The following XRN1 variants were observed in gnomAD, a reference collection of about 807,000 sequenced individuals.
XRN1 encodes the protein strand-exchange protein 1 homolog.
XRN1 carries 67 observed loss-of-function variants against 222.3 expected under a neutral mutation model. The observed-to-expected ratio is 0.30, with a 90% CI of 0.25 to 0.37. The LOEUF is 0.37. XRN1 is among the 10% of genes least tolerant of loss of function. XRN1 has a pLI of 1.00. For synonymous variants in XRN1, 643 were observed against 652.4 expected, an observed-to-expected ratio of 0.99 and a Z score of 0.22; for missense variants, 1,707 against 2,000.2, an observed-to-expected ratio of 0.85 and a Z score of 2.80.
intron 33 of XRN1, among the ~76,000 whole-genome samples, chr3:142,338,271 A>T (rs528000370): frequency 6.6e-6 from 1 of 152,290 alleles, no homozygotes; most frequent in South Asian, 2.1e-4. Flanking sequence ...TGTATCTTGG[A>T]TACCAACTCA....
chr3:142,331,756 T>G (rs971887256), intron 36 of XRN1, among the ~76,000 whole-genome samples: 3 of 152,198 alleles, frequency 2.0e-5, no homozygotes, highest in Admixed American at 6.5e-5. Flanking sequence ...GATCTATTGG[T>G]TACATGGTTG....
intron 18 of XRN1, among the ~76,000 whole-genome samples, chr3:142,402,704 C>T (rs183656407): frequency 6.6e-6 from 1 of 152,130 alleles, no homozygotes; most frequent in Non-Finnish European, 1.5e-5. Flanking sequence ...GTTAAACATC[C>T]TAGTGTTACC....
intron 33 of XRN1, among the ~76,000 whole-genome samples, chr3:142,336,735 C>T (rs778826805): frequency 6.6e-6 from 1 of 152,102 alleles, no homozygotes; most frequent in East Asian, 1.9e-4. Flanking sequence ...AGCATTAACA[C>T]TAAACATTTG....
intron 36 of XRN1, among the ~76,000 whole-genome samples, chr3:142,330,587 C>T (rs1048837060): frequency 7.4e-5 from 11 of 147,690 alleles, no homozygotes; most frequent in South Asian, 2.1e-4. Context: ...ACTCTAAAGC[C>T]TATGAGTTTT....
chr3:142,429,714 T>C (rs1191754416), intron 2 of XRN1: 1 of 152,340 alleles, frequency 6.6e-6, no homozygotes. Flanking sequence ...CCAGGTAGGT[T>C]AGAAAGTTCT....
chr3:142,425,240 A>G lies in XRN1; in HGVS notation c.609T>C (p.Tyr203=). ...DHDPNTRHCL[Y]GLDADLIMLG... ...TACCTACCAAGTCAGCATCTAAACCATAAAGACAGTGTCTGGTGTTTGGAT... is the reference window on the plus strand; with the variant it reads ...TACCTACCAAGTCAGCATCTAAACCGTAAAGACAGTGTCTGGTGTTTGGAT... Residue 203 remains tyrosine, a synonymous_variant, in exon 5 of 41, where the codon TAT becomes TAC. Coordinates refer to ENST00000392981, the MANE Select transcript of XRN1 (RefSeq NM_001282857.2). The G allele has an allele frequency of 6.3e-7, 1 of 1,593,034 alleles. No homozygotes were observed. Among genetic ancestry groups the G allele is most frequent in the Non-Finnish European group, 8.5e-7 (1 of 1,170,994 alleles).
In XRN1 at chr3:142,417,186, G is replaced by C; in HGVS notation, c.1390C>G (p.Gln464Glu). 6.2e-7 allele frequency: 1 copy of C among 1,613,752 alleles called. No homozygotes were observed. The highest frequency in any genetic ancestry group is 8.5e-7 in the Non-Finnish European group (1 of 1,179,864). ...TGATAGTAATAGTGCAAAATCCACT[G>C]TATTGCCTGAACATAACATGCAGCT... is the stretch of plus-strand genomic sequence containing the variant. The part of the protein sequence containing the change: ...DQAACYVQAI[Q>E]WILHYYYHGV... Residue 464 changes from glutamine to glutamate, a missense_variant, in exon 13 of 41, where the codon CAG becomes GAG. Gln to Glu is a conservative substitution (Grantham distance 29). Coordinates refer to ENST00000392981, the MANE Select transcript of XRN1 (RefSeq NM_001282857.2).
intron 20 of XRN1, among the ~76,000 whole-genome samples, chr3:142,386,893 T>C (rs1353459684): frequency 2.0e-5 from 3 of 152,130 alleles, no homozygotes; most frequent in Admixed American, 1.3e-4. Flanking sequence ...AGAGCGTAAA[T>C]TGATACAAAG....
intron 36 of XRN1, 33 bp downstream of exon 36, chr3:142,332,339 AATG>A (rs1439511334): frequency 1.3e-5 from 19 of 1,413,316 alleles, no homozygotes; most frequent in Non-Finnish European, 1.8e-5. Context: ...GAATTTTTAA[AATG>A]ATATTATTGG....
rs761352600 is a variant in XRN1 at position 142,383,343 on chromosome 3, A to G, written c.2573T>C (p.Met858Thr). The G allele has an allele frequency of 3.1e-6, 5 of 1,613,974 alleles. No homozygotes were observed. In the African/African-American group the frequency reaches 6.7e-5, roughly 22 times the overall value. ...TLDDLFPLRS[M>T]VFMLGTPYYG... ...ATAGGGAGTTCCCAGCATAAAGACC[A>G]TACTTCTCAGAGGAAACAAATCATC... The change falls in exon 22 of 41, where the codon ATG becomes ACG. Residue 858 changes from methionine to threonine, a missense_variant. This residue lies in a region of XRN1 where 1,234 missense variants were observed against 1,518.2 expected (regional missense o/e 0.81). Coordinates refer to ENST00000392981, the MANE Select transcript of XRN1 (RefSeq NM_001282857.2).
intron 19 of XRN1, among the ~76,000 whole-genome samples, chr3:142,398,770 A>G (rs1174770833): frequency 6.6e-6 from 1 of 152,244 alleles, no homozygotes; most frequent in East Asian, 1.9e-4. Context: ...ACAAAGTTAA[A>G]TGACACTAAA....
At chr3:142,396,839 C>T (rs1022048237) in intron 20 of XRN1, among the ~76,000 whole-genome samples, 1 of 152,134 alleles carries the variant, frequency 6.6e-6, no homozygotes, top group African/African-American at 2.4e-5. Context: ...ACAAAACACT[C>T]TGGTGATCCT....
At position 142,432,844 on chromosome 3, in the gene XRN1, T is replaced by C; in HGVS notation, c.125A>G (p.Gln42Arg). 6.2e-7 allele frequency: 1 copy of C among 1,613,936 alleles called. No individual in the cohort carries two copies. The highest frequency in any genetic ancestry group is 8.5e-7 in the Non-Finnish European group (1 of 1,179,994). ...LYLDMNGIIH[Q>R]CSHPNDDDVH... ...ATCATCATCATTAGGATGGGAGCAC[T>C]GATGTATAATTCCATTCATATCCAG... The change falls in exon 2 of 41, where the codon CAG becomes CGG. Residue 42 changes from glutamine to arginine, a missense_variant. Coordinates refer to ENST00000392981, the MANE Select transcript of XRN1 (RefSeq NM_001282857.2).
At chr3:142,319,927 C>T (rs1360653820) in intron 37 of XRN1, among the ~76,000 whole-genome samples, 1 of 152,022 alleles carries the variant, frequency 6.6e-6, no homozygotes, top group Non-Finnish European at 1.5e-5. Context: ...CACACACACA[C>T]ACACGCACGC....
At chr3:142,429,144 C>CTTTTTT (rs199947503) in intron 2 of XRN1, among the ~76,000 whole-genome samples, 2 of 120,074 alleles carry the variant, frequency 1.7e-5, no homozygotes, top group Non-Finnish European at 1.7e-5. Context: ...TAGCCATAAT[C>CTTTTTT]TTTTTTTTTT....
At chr3:142,316,936 C>T (rs1026978769) in intron 39 of XRN1, among the ~76,000 whole-genome samples, 2 of 152,002 alleles carry the variant, frequency 1.3e-5, no homozygotes, top group African/African-American at 2.4e-5. Context: ...AATAAATTTG[C>T]GTATCTGAAA....
intron 24 of XRN1, 118 bp downstream of exon 24, chr3:142,376,361 C>T (rs998952326): frequency 1.7e-5 from 15 of 873,354 alleles, no homozygotes; most frequent in Middle Eastern, 6.0e-4. Context: ...AATTTATGCA[C>T]AATTTTAAGA....
In XRN1 at chr3:142,355,416, T is replaced by C. The variant is rs757545740; in HGVS notation, c.3753A>G (p.Pro1251=). Residue 1251 remains proline (P), a synonymous_variant, in exon 32 of 41, where the codon CCA becomes CCG. Coordinates refer to ENST00000392981, the MANE Select transcript of XRN1 (RefSeq NM_001282857.2). ...QGSGKMQYFQ[P]TIQEKGAVLP... ...GAATACTAACCTTCTCTTGTATAGT[T>C]GGCTGAAAGTATTGCATCTTTCCAG... 6.4e-7 allele frequency: 1 copy of C among 1,569,524 alleles called. No homozygotes were observed. The highest frequency in any genetic ancestry group is 1.7e-5 in the Admixed American group (1 of 57,552).
At position 142,423,587 on chromosome 3, in the gene XRN1, ACTT is replaced by A. The variant is rs1213746038; in HGVS notation, c.680_682del (p.Glu227del). 1 of 1,602,054 alleles carries A rather than the reference ACTT, an allele frequency of 6.2e-7. No homozygotes were observed. The highest frequency in any genetic ancestry group is 8.5e-7 in the Non-Finnish European group (1 of 1,175,720). Reference sequence around the variant, plus strand: ...TTGTGTTTTTTTGCCACCAAATCGAACTTCTTCTCTTAAGAGAGAAAAATGTGC... The same window carrying A: ...TTGTGTTTTTTTGCCACCAAATCGAACTTCTCTTAAGAGAGAAAAATGTGC... On this transcript the variant is annotated inframe_deletion, in exon 6 of 41. Transcript: ENST00000392981.
Sources: allele counts gnomAD v4.1 joint callset (sites outside exome capture counted in the v4.1 genomes callset), GRCh38; gene constraint gnomAD v4.1.1; regional missense constraint gnomAD v4.1.1; transcripts MANE v1.5; gene names NCBI Gene and HGNC (gene_info 2026-07-23, HGNC 2026-07-21).